Variants in RAPGEF1 observed in about 807,000 individuals in gnomAD.
RAPGEF1 encodes the protein CRK SH3-binding GNRP.
Under a neutral mutation model 143.3 loss-of-function variants are expected in RAPGEF1, and 33 were observed. The ratio of observed to expected loss-of-function variants is 0.23; its 90% CI spans 0.17 to 0.31. The LOEUF (loss-of-function observed/expected upper bound fraction) is 0.31, where lower values mean the gene tolerates loss of function less well. Among genes scored for constraint, RAPGEF1 ranks in the 10% least tolerant of loss-of-function variants. The pLI, the probability that RAPGEF1 is intolerant of heterozygous loss-of-function variation, is 1.00. For missense variants in RAPGEF1, 1,199 were observed against 1,645.4 expected (o/e 0.73, Z 4.69); for synonymous variants, 629 against 676.5 (o/e 0.93, Z 1.09).
chr9:131,596,223 C>T, intron 17 of RAPGEF1, 75 bp downstream of exon 17: 1 of 1,394,326 alleles, frequency 7.2e-7, no homozygotes, highest in South Asian at 1.2e-5. Flanking sequence ...CAGGAGGGGA[C>T]AGGATAGCGG....
In RAPGEF1 at chr9:131,596,240, G is replaced by A; in HGVS notation, c.2689+58C>T. On this transcript the variant is annotated intron_variant, in intron 17 of 26. Transcript: ENST00000683357. ...GGAGGGGACAGGATAGCGGTGGGAGGCCGAGTGGCACCCGGGGCAGGACCA... is the reference window on the plus strand; with the variant it reads ...GGAGGGGACAGGATAGCGGTGGGAGACCGAGTGGCACCCGGGGCAGGACCA... 1.6e-5 allele frequency: 24 copies of A among 1,531,838 alleles called. No individual in the cohort carries two copies. The South Asian group carries it at 2.7e-4, about 17-fold the overall frequency. 94.9% of individuals were successfully genotyped at this position (1,531,838 alleles called of 1,614,324 possible).
chr9:131,698,713 G>A (rs995208598), intron 1 of RAPGEF1, among the ~76,000 whole-genome samples: 1 of 152,172 alleles, frequency 6.6e-6, no homozygotes, highest in Non-Finnish European at 1.5e-5. Flanking sequence ...GGGGCCTCAG[G>A]GCTGCCCCCC....
chr9:131,613,696 C>T (rs1028878065), intron 12 of RAPGEF1, among the ~76,000 whole-genome samples: 7 of 152,148 alleles, frequency 4.6e-5, no homozygotes, highest in African/African-American at 1.2e-4. Context: ...TAATTTCTGA[C>T]CTCAGGGAGC....
At chr9:131,723,064 C>T (rs1836384721) in intron 1 of RAPGEF1, among the ~76,000 whole-genome samples, 1 of 151,966 alleles carries the variant, frequency 6.6e-6, no homozygotes, top group African/African-American at 2.4e-5. Flanking sequence ...TGTGGTGGTA[C>T]ATGCCTGTAG....
chr9:131,578,010 C>T lies in RAPGEF1; in HGVS notation c.*1487G>A, dbSNP rs1951391154. 6.6e-6 allele frequency: 1 copy of T among 152,182 alleles called. No individual in the cohort carries two copies. Among genetic ancestry groups the T allele is most frequent in the Non-Finnish European group, 1.5e-5 (1 of 68,016 alleles). The allele number at this position is 152,182 out of a possible 1,614,324, so 9.4% of individuals were successfully genotyped here. ...ACAGATGTTGCTTTCTATATTTTTC[C>T]TTTGTTCTGTTTGAACTGGGCTAAG... On this transcript the variant is annotated 3_prime_UTR_variant, in exon 27 of 27. Coordinates refer to ENST00000683357, the MANE Select transcript of RAPGEF1 (RefSeq NM_001377935.1).
chr9:131,732,045 CT>C (rs1272867137), intron 1 of RAPGEF1, among the ~76,000 whole-genome samples: 8 of 152,150 alleles, frequency 5.3e-5, no homozygotes, highest in East Asian at 1.9e-4. Context: ...ACCTCCCCCC[CT>C]GTACCTTAGC....
intron 1 of RAPGEF1, among the ~76,000 whole-genome samples, chr9:131,690,205 CTGTA>C (rs1833683132): frequency 6.6e-6 from 1 of 152,154 alleles, no homozygotes; most frequent in Admixed American, 6.5e-5. Flanking sequence ...GGAAATAACT[CTGTA>C]TGTGAGGGAA....
intron 9 of RAPGEF1, among the ~76,000 whole-genome samples, chr9:131,627,213 CAAAAAAAAAAAAA>C (rs10690802): frequency 1.0e-5 from 1 of 97,416 alleles, no homozygotes; most frequent in South Asian, 4.2e-4. Context: ...GGCTCTGTCT[CAAAAAAAAAAAAA>C]AAAAAAAAAA....
At chr9:131,728,370 C>G (rs1836810396) in intron 1 of RAPGEF1, among the ~76,000 whole-genome samples, 1 of 152,130 alleles carries the variant, frequency 6.6e-6, no homozygotes, top group Non-Finnish European at 1.5e-5. Flanking sequence ...CGAAAGTCAC[C>G]CCGCAAGGAG....
chr9:131,651,406 A>C (rs1971049969), intron 1 of RAPGEF1, among the ~76,000 whole-genome samples: 1 of 152,266 alleles, frequency 6.6e-6, no homozygotes, highest in Non-Finnish European at 1.5e-5. Context: ...TGACTGAATC[A>C]GAAGTAAGGT....
At chr9:131,724,511 C>T (rs1199198214) in intron 1 of RAPGEF1, among the ~76,000 whole-genome samples, 4 of 152,058 alleles carry the variant, frequency 2.6e-5, no homozygotes, top group Non-Finnish European at 5.9e-5. Flanking sequence ...AGAAGAATGG[C>T]GTGAACCCGG....
chr9:131,639,538 T>C (rs964650681), intron 4 of RAPGEF1, among the ~76,000 whole-genome samples: 2 of 152,028 alleles, frequency 1.3e-5, no homozygotes, highest in African/African-American at 4.8e-5. Context: ...AGTGCCTCAA[T>C]GATTGTAGAG....
intron 3 of RAPGEF1, among the ~76,000 whole-genome samples, chr9:131,648,441 A>G (rs984706527): frequency 6.6e-6 from 1 of 152,172 alleles, no homozygotes; most frequent in Non-Finnish European, 1.5e-5. Flanking sequence ...AAAGGGGGGA[A>G]ATCCCAGGAA....
chr9:131,720,306 G>A (rs950167180), intron 1 of RAPGEF1, among the ~76,000 whole-genome samples: 8 of 152,104 alleles, frequency 5.3e-5, no homozygotes, highest in African/African-American at 1.4e-4. Context: ...TCTTTGTTAC[G>A]TCATCATCAT....
At chr9:131,623,781 C>A (rs922274493) in intron 10 of RAPGEF1, among the ~76,000 whole-genome samples, 1 of 152,210 alleles carries the variant, frequency 6.6e-6, no homozygotes, top group South Asian at 2.1e-4. Flanking sequence ...GGCTGGGGAC[C>A]CTCACGATGT....
rs1963767931 is a variant in RAPGEF1 at position 131,628,032 on chromosome 9, T to G, written c.1082A>C (p.Glu361Ala). ...LSGGSHSYGG[E>A]SPRLSPCSSI... ...GCTGCAGGGGGAGAGGCGGGGCGAC[T>G]CTCCACCATATGAGTGGCTGCCTCC... Residue 361 changes from glutamate to alanine, a missense_variant, in exon 9 of 27, where the codon GAG becomes GCG. By Grantham distance (107) the Glu-to-Ala change is moderately radical (BLOSUM62 -1). Around this residue, in one of 6 missense-constraint regions of RAPGEF1, gnomAD observed 613 missense variants for 710.9 expected, o/e 0.86. Transcript: ENST00000683357. The surrounding 1 kb of genome is among the most constrained non-coding windows in gnomAD (Gnocchi z 5.7). The G allele has an allele frequency of 6.4e-7, 1 of 1,564,640 alleles. No individual in the cohort carries two copies. The highest frequency in any genetic ancestry group is 8.7e-7 in the Non-Finnish European group (1 of 1,155,206).
At chr9:131,723,046 T>C (rs1836383551) in intron 1 of RAPGEF1, among the ~76,000 whole-genome samples, 1 of 151,684 alleles carries the variant, frequency 6.6e-6, no homozygotes, top group African/African-American at 2.4e-5. Context: ...ATATAACAAT[T>C]AGCCAGGTGT....
intron 1 of RAPGEF1, among the ~76,000 whole-genome samples, chr9:131,660,041 A>T (rs1162953314): frequency 6.6e-6 from 1 of 152,046 alleles, no homozygotes; most frequent in Non-Finnish European, 1.5e-5. Context: ...GATGGTCTCG[A>T]TCTCCTGACT....
At chr9:131,585,372 C>A (rs1356357389) in intron 22 of RAPGEF1, among the ~76,000 whole-genome samples, 1 of 149,504 alleles carries the variant, frequency 6.7e-6, no homozygotes, top group Non-Finnish European at 1.5e-5. Flanking sequence ...AGGGGGGGGG[C>A]GTCTCTCTAT....
Sources: gnomAD v4.1 joint callset for allele counts (sites outside exome capture counted in the v4.1 genomes callset) on GRCh38, gnomAD v4.1.1 for gene constraint, gnomAD v4.1.1 regional missense constraint, Gnocchi (gnomAD v3.1) non-coding constraint, MANE v1.5 for transcripts, NCBI Gene and HGNC (gene_info 2026-07-23, HGNC 2026-07-21) for gene names.